The following RHOH variants were observed in gnomAD, a reference collection of about 807,000 sequenced individuals.
RHOH encodes the protein ras homolog family member H, also known as rho-related GTP-binding protein RhoH.
Under a neutral mutation model 13.8 loss-of-function variants are expected in RHOH, and 6 were observed. That is an observed-to-expected ratio of 0.44 (90% CI 0.24 to 0.86). RHOH has a LOEUF of 0.86. Ranked by LOEUF, RHOH falls within the 40% of genes least tolerant of loss-of-function variation. RHOH has a pLI of 0.24. For missense variants in RHOH, 147 were observed against 244.5 expected, an observed-to-expected ratio of 0.60 and a Z score of 2.66; for synonymous variants, 117 against 103.0, an observed-to-expected ratio of 1.14 and a Z score of -0.82.
intron 1 of RHOH, among the ~76,000 whole-genome samples, chr4:40,197,831 T>C (rs544478940): frequency 6.6e-6 from 1 of 152,348 alleles, no homozygotes; most frequent in Admixed American, 6.5e-5. Flanking sequence ...TAATTAAATT[T>C]AATCTTTCTT....
intron 1 of RHOH, among the ~76,000 whole-genome samples, chr4:40,233,053 A>T (rs1362560281): frequency 6.6e-6 from 1 of 152,206 alleles, no homozygotes; most frequent in African/African-American, 2.4e-5. Context: ...TTTTAGGCTC[A>T]TGACATACAC....
intron 1 of RHOH, among the ~76,000 whole-genome samples, chr4:40,219,541 G>C (rs1726298392): frequency 6.6e-6 from 1 of 152,066 alleles, no homozygotes; most frequent in Non-Finnish European, 1.5e-5. Context: ...GGTTGCGTCT[G>C]GGAAAATGGC....
chr4:40,195,402 CT>C (rs1723032727), upstream of RHOH, among the ~76,000 whole-genome samples: 1 of 142,050 alleles, frequency 7.0e-6, no homozygotes, highest in African/African-American at 2.6e-5. Flanking sequence ...TCCTTCCTTC[CT>C]TCCTTCCTTC....
chr4:40,200,708 T>C (rs1180238735), intron 1 of RHOH: 3 of 152,204 alleles, frequency 2.0e-5, no homozygotes, highest in Non-Finnish European at 4.4e-5. Context: ...GTCCAGGATA[T>C]GAGGATGTTT....
chr4:40,210,823 T>G (rs1174266097), intron 1 of RHOH, among the ~76,000 whole-genome samples: 1 of 152,138 alleles, frequency 6.6e-6, no homozygotes, highest in Non-Finnish European at 1.5e-5. Flanking sequence ...ACAGCATATA[T>G]GCAGACATAT....
At chr4:40,211,564 A>G (rs1285608907) in intron 1 of RHOH, among the ~76,000 whole-genome samples, 1 of 152,158 alleles carries the variant, frequency 6.6e-6, no homozygotes, top group East Asian at 1.9e-4. Context: ...TTTAATGGCA[A>G]AAATGAAGTG....
chr4:40,224,787 G>A (rs750753959), intron 1 of RHOH, among the ~76,000 whole-genome samples: 2 of 152,224 alleles, frequency 1.3e-5, no homozygotes, highest in Non-Finnish European at 1.5e-5. Flanking sequence ...CCTCAATTCC[G>A]TTATTCTCTC....
intron 1 of RHOH, among the ~76,000 whole-genome samples, chr4:40,235,655 G>T (rs1198004369): frequency 6.8e-6 from 1 of 146,578 alleles, no homozygotes; most frequent in African/African-American, 2.5e-5. Flanking sequence ...TTCAGGAAGA[G>T]AATAGGAGTA....
intron 1 of RHOH, among the ~76,000 whole-genome samples, chr4:40,226,994 A>T (rs1162771698): frequency 6.6e-6 from 1 of 152,072 alleles, no homozygotes; most frequent in Non-Finnish European, 1.5e-5. Flanking sequence ...TCCCGTTTCT[A>T]CTAAAAATAC....
intron 1 of RHOH, among the ~76,000 whole-genome samples, chr4:40,214,549 T>C (rs1461138914): frequency 6.6e-6 from 1 of 152,224 alleles, no homozygotes; most frequent in Non-Finnish European, 1.5e-5. Context: ...GGCTTGGGGC[T>C]ACCAAGGCAA....
chr4:40,212,323 A>G (rs905555465), intron 1 of RHOH, among the ~76,000 whole-genome samples: 1 of 152,154 alleles, frequency 6.6e-6, no homozygotes, highest in African/African-American at 2.4e-5. Flanking sequence ...TTGCCAGCCT[A>G]TCGTCAGAGT....
At chr4:40,203,337 C>G (rs1201425946) in intron 1 of RHOH, among the ~76,000 whole-genome samples, 1 of 152,206 alleles carries the variant, frequency 6.6e-6, no homozygotes, top group Non-Finnish European at 1.5e-5. Flanking sequence ...ACTAATTTAG[C>G]ATCCAGGTTC....
intron 1 of RHOH, among the ~76,000 whole-genome samples, chr4:40,213,002 G>A (rs1434554284): frequency 6.6e-6 from 1 of 152,136 alleles, no homozygotes; most frequent in Admixed American, 6.5e-5. Context: ...TGTGCTGTGG[G>A]GATCTTATCA....
intron 1 of RHOH, 91 bp downstream of exon 1, chr4:40,197,391 A>C (rs1723301096): frequency 6.6e-6 from 1 of 152,258 alleles, no homozygotes; most frequent in Non-Finnish European, 1.5e-5. Context: ...CAAACATCGT[A>C]ATGACTCTGA....
At chr4:40,204,904 G>C (rs923332013) in intron 1 of RHOH, among the ~76,000 whole-genome samples, 2 of 152,220 alleles carry the variant, frequency 1.3e-5, no homozygotes, top group African/African-American at 4.8e-5. Flanking sequence ...ATTTGGGAAA[G>C]CAGTCTCTCA....
At position 40,244,796 on chromosome 4, in the gene RHOH, A is replaced by G. The variant is rs4600925; in HGVS notation, c.*834A>G. On this transcript the variant is annotated 3_prime_UTR_variant, in exon 3 of 3. Transcript: ENST00000381799. ...TGGCAACAGAACTTGGAACAGAAGCAAGAGAGTGTCACTTTCACTTCTGGT... is the reference window on the plus strand; with the variant it reads ...TGGCAACAGAACTTGGAACAGAAGCGAGAGAGTGTCACTTTCACTTCTGGT... 80,690 of 175,526 alleles carry G rather than the reference A, an allele frequency of 0.46. 20,325 individuals carry two copies. Among genetic ancestry groups the G allele is most frequent in the Non-Finnish European group, 0.56 (45,973 of 81,384 alleles). 10.9% of individuals were successfully genotyped at this position (175,526 alleles called of 1,614,324 possible).
chr4:40,234,596 G>A (rs957990559), intron 1 of RHOH, among the ~76,000 whole-genome samples: 1 of 152,078 alleles, frequency 6.6e-6, no homozygotes, highest in Non-Finnish European at 1.5e-5. Flanking sequence ...AGCTTAATAT[G>A]TTGAAATAAT....
At chr4:40,208,418 G>A (rs1274770352) in intron 1 of RHOH, among the ~76,000 whole-genome samples, 1 of 152,110 alleles carries the variant, frequency 6.6e-6, no homozygotes, top group Non-Finnish European at 1.5e-5. Flanking sequence ...TGCCTTTATA[G>A]TCTTTAAGGT....
At chr4:40,201,868 T>G (rs1192579797) in intron 1 of RHOH, among the ~76,000 whole-genome samples, 1 of 152,102 alleles carries the variant, frequency 6.6e-6, no homozygotes, top group East Asian at 1.9e-4. Flanking sequence ...ATTCACTGTA[T>G]TATCATTTAT....
Sources: gnomAD v4.1 joint callset for allele counts (sites outside exome capture counted in the v4.1 genomes callset) on GRCh38, gnomAD v4.1.1 for gene constraint, MANE v1.5 for transcripts, NCBI Gene and HGNC (gene_info 2026-07-23, HGNC 2026-07-21) for gene names.